Variants in CHMP6 observed in about 807,000 individuals in gnomAD.
CHMP6 encodes charged multivesicular body protein 6.
In CHMP6, 10 loss-of-function variants were observed where a neutral mutation model predicts 32.8. The ratio of observed to expected loss-of-function variants is 0.30; its 90% CI spans 0.19 to 0.52. CHMP6 has a LOEUF of 0.52. Ranked by LOEUF, CHMP6 falls within the 20% of genes least tolerant of loss-of-function variation. The probability of loss-of-function intolerance (pLI) is 0.97; values close to 1 mark genes in which losing one functional copy is unlikely to be tolerated. For synonymous variants in CHMP6, 123 were observed against 105.8 expected, an observed-to-expected ratio of 1.16 and a Z score of -1.00; for missense variants, 269 against 263.8, an observed-to-expected ratio of 1.02 and a Z score of -0.14.
In CHMP6 at chr17:80,994,649, G is replaced by A. The variant is rs1448146512; in HGVS notation, c.132G>A (p.Glu44=). ...QKRIAQQLER[E]RALARQLLRD... ...GGATCGCCCAGCAGCTGGAGCGCGAGCGCGCCCTGGCCCGGCAGCTGCTGC... is the reference window on the plus strand; with the variant it reads ...GGATCGCCCAGCAGCTGGAGCGCGAACGCGCCCTGGCCCGGCAGCTGCTGC... The change falls in exon 2 of 8, where the codon GAG becomes GAA. Residue 44 remains glutamate (E), a synonymous_variant. Transcript: ENST00000325167. 1.3e-6 allele frequency: 2 copies of A among 1,583,778 alleles called. No homozygotes were observed. The highest frequency in any genetic ancestry group is 1.7e-6 in the Non-Finnish European group (2 of 1,167,212).
At chr17:80,997,683 G>A (rs1025080701) in intron 6 of CHMP6, among the ~76,000 whole-genome samples, 1 of 151,990 alleles carries the variant, frequency 6.6e-6, no homozygotes, top group African/African-American at 2.4e-5. Flanking sequence ...CGCTGCGGGG[G>A]CCGCGTCCTG....
Position 80,991,992 on chromosome 17 carries a change from G to C in CHMP6, c.63+11G>C. 7.1e-7 allele frequency: 1 copy of C among 1,415,850 alleles called. No homozygotes were observed. 87.7% of individuals were successfully genotyped at this position (1,415,850 alleles called of 1,614,324 possible). On this transcript the variant is annotated intron_variant, in intron 1 of 7. Transcript: ENST00000325167. Reference sequence around the variant, plus strand: ...GACAAGGCCATCCTGGTGAGGGCCCGGGCCCGGGGTCAGGGCTGGGGCCGG... The same window carrying C: ...GACAAGGCCATCCTGGTGAGGGCCCCGGCCCGGGGTCAGGGCTGGGGCCGG...
At chr17:80,994,748 G>A (rs2069622364) in intron 2 of CHMP6, 58 bp downstream of exon 2, 6 of 556,624 alleles carry the variant, frequency 1.1e-5, no homozygotes. Context: ...GGCCCGGGCA[G>A]CGTGGGCACC....
chr17:80,995,839 CCA>C (rs1232898231), intron 4 of CHMP6, 81 bp downstream of exon 4: 2 of 1,294,266 alleles, frequency 1.5e-6, no homozygotes, highest in Non-Finnish European at 2.2e-6. Flanking sequence ...GGGGCTTGTC[CCA>C]CGGTGTTCGT....
chr17:80,997,129 C>G, intron 5 of CHMP6, 57 bp downstream of exon 5: 5 of 1,606,514 alleles, frequency 3.1e-6, no homozygotes, highest in Non-Finnish European at 4.3e-6. Context: ...AGGCCACCCT[C>G]GAGGGCCAAA....
chr17:80,995,842 C>T (rs932176622), intron 4 of CHMP6, 84 bp downstream of exon 4: 16 of 1,253,884 alleles, frequency 1.3e-5, no homozygotes, highest in Middle Eastern at 4.5e-4. Context: ...GCTTGTCCCA[C>T]GGTGTTCGTG....
At chr17:80,992,004 A>T in intron 1 of CHMP6, 23 bp downstream of exon 1, 1 of 1,389,208 alleles carries the variant, frequency 7.2e-7, no homozygotes, top group Non-Finnish European at 9.5e-7. Flanking sequence ...GCCCGGGGTC[A>T]GGGCTGGGGC....
chr17:80,998,027 A>G (rs1305286609), intron 6 of CHMP6, among the ~76,000 whole-genome samples: 1 of 152,214 alleles, frequency 6.6e-6, no homozygotes, highest in Non-Finnish European at 1.5e-5. Flanking sequence ...AGTGGTGGAC[A>G]CCAGCGTGAC....
At position 80,994,620 on chromosome 17, in the gene CHMP6, A is replaced by G. The variant is rs2069620590; in HGVS notation, c.103A>G (p.Lys35Glu). The G allele has an allele frequency of 6.3e-7, 1 of 1,586,404 alleles. No homozygotes were observed. The highest frequency in any genetic ancestry group is 1.3e-5 in the African/African-American group (1 of 74,548). ...GCGGGACAAGCTGAGGCAGTACCAG[A>G]AGAGGATCGCCCAGCAGCTGGAGCG... ...QQRDKLRQYQ[K>E]RIAQQLERER... Residue 35 changes from lysine (K) to glutamate (E), a missense_variant, in exon 2 of 8, where the codon AAG becomes GAG. Lys to Glu is a moderately conservative substitution (Grantham distance 56, BLOSUM62 1). Coordinates refer to ENST00000325167, the MANE Select transcript of CHMP6 (RefSeq NM_024591.5).
At chr17:80,998,289 G>T (rs1426364826) in intron 6 of CHMP6, 77 bp from the exon 7 acceptor site, 2 of 1,516,448 alleles carry the variant, frequency 1.3e-6, no homozygotes, top group Middle Eastern at 3.8e-4. Flanking sequence ...GACAGGATCC[G>T]TGTCCTCTCG....
rs201966289 is a variant in CHMP6 at position 80,995,126 on chromosome 17, G to A, written c.261+20G>A. The A allele has an allele frequency of 3.0e-5, 47 of 1,584,674 alleles. No homozygotes were observed. Among genetic ancestry groups the A allele is most frequent in the Admixed American group, 2.4e-4 (13 of 53,724 alleles). On this transcript the variant is annotated intron_variant, in intron 3 of 7. Transcript: ENST00000325167. ...GCCATGGTAGGCGGCCGGGTGCTTC[G>A]CCCTGGAGTGCAGGTGCAGCTGGAG...
chr17:80,999,460 C>A lies in CHMP6; in HGVS notation c.*307C>A, dbSNP rs144333406. ...AGGCCCAACGCCTCTGGTGCTGTTCCCCTGCAGTCCCAGCCCCGCGTGGCT... is the reference window on the plus strand; with the variant it reads ...AGGCCCAACGCCTCTGGTGCTGTTCACCTGCAGTCCCAGCCCCGCGTGGCT... On this transcript the variant is annotated 3_prime_UTR_variant, in exon 8 of 8. Transcript: ENST00000325167. The A allele has an allele frequency of 2.5e-6, 1 of 392,542 alleles. No individual in the cohort carries two copies. The allele number at this position is 392,542 out of a possible 1,614,324, so 24.3% of individuals were successfully genotyped here.
chr17:80,993,675 C>T (rs2069612830), intron 1 of CHMP6, among the ~76,000 whole-genome samples: 2 of 152,224 alleles, frequency 1.3e-5, no homozygotes, highest in Non-Finnish European at 2.9e-5. Context: ...CCTGATAGAG[C>T]AGGACTGGCT....
chr17:80,995,019 A>C lies in CHMP6; in HGVS notation c.174A>C (p.Glu58Asp). The change falls in exon 3 of 8, where the codon GAA (glutamate) becomes GAC (aspartate). Residue 58 changes from glutamate (E) to aspartate (D), a missense_variant and splice_region_variant. Transcript: ENST00000325167. Reference sequence around the variant, plus strand: ...GTCACTCTCGGGCTTCCCTCTGCAGACGGGCCAAGCTGCTGCTCAAGAAGA... The same window carrying C: ...GTCACTCTCGGGCTTCCCTCTGCAGCCGGGCCAAGCTGCTGCTCAAGAAGA... ...ARQLLRDGRK[E>D]RAKLLLKKKR... The C allele has an allele frequency of 1.3e-6, 2 of 1,591,862 alleles. No homozygotes were observed. The highest frequency in any genetic ancestry group is 8.5e-7 in the Non-Finnish European group (1 of 1,171,420).
In CHMP6 at chr17:80,998,366, G is replaced by A. The variant is rs2069656882; in HGVS notation, c.496G>A (p.Glu166Lys). 4 of 1,614,086 alleles carry A rather than the reference G, an allele frequency of 2.5e-6. No homozygotes were observed. In the African/African-American group the frequency reaches 4.0e-5, roughly 16 times the overall value. Reference protein sequence around the residue: ...ILEELSAITQEQIELPEVPSE... With the variant: ...ILEELSAITQKQIELPEVPSE... ...TAGCCTTACCCTTTGCTTCTTGCAG[G>A]AACAAATAGAGCTGCCAGAGGTTCC... The change falls in exon 7 of 8, where the codon GAA becomes AAA. Residue 166 changes from glutamate to lysine, a missense_variant and splice_region_variant. By Grantham distance (56) the Glu-to-Lys change is moderately conservative. Transcript: ENST00000325167.
intron 1 of CHMP6, among the ~76,000 whole-genome samples, chr17:80,993,639 G>A (rs1474292058): frequency 6.6e-6 from 1 of 152,256 alleles, no homozygotes; most frequent in Non-Finnish European, 1.5e-5. Context: ...ATTGTCTGAA[G>A]TGATGACGTT....
At chr17:80,994,485 A>ACG (rs2069619221) in intron 1 of CHMP6, 96 bp from the exon 2 acceptor site, 1 of 1,114,656 alleles carries the variant, frequency 9.0e-7, no homozygotes, top group South Asian at 1.5e-5. Flanking sequence ...AAGGACACTC[A>ACG]CGGAGGGCCG....
At position 80,995,584 on chromosome 17, in the gene CHMP6, A is replaced by AGCACCCGCCC. The variant is rs1296031242; in HGVS notation, c.262-88_262-87insGCACCCGCCC. The AGCACCCGCCC allele has an allele frequency of 4.6e-3, 5,175 of 1,128,808 alleles. 192 individuals carry two copies. In the African/African-American group the frequency reaches 0.072, roughly 16 times the overall value. The allele number at this position is 1,128,808 out of a possible 1,614,324, so 69.9% of individuals were successfully genotyped here. A position where few individuals can be genotyped will look rare whatever the true frequency, so the allele number is the denominator to read the frequency against. ...TCACGCCCAGCAGCACCCGCCCAGCAAGGGTGTCATCCTGAACCCTGCCCC... is the reference window on the plus strand; with the variant it reads ...TCACGCCCAGCAGCACCCGCCCAGCAGCACCCGCCCAGGGTGTCATCCTGAACCCTGCCCC... On this transcript the variant is annotated intron_variant, in intron 3 of 7. Coordinates refer to ENST00000325167, the MANE Select transcript of CHMP6 (RefSeq NM_024591.5).
At chr17:80,994,463 C>T (rs991619585) in intron 1 of CHMP6, 118 bp from the exon 2 acceptor site, 5 of 823,374 alleles carry the variant, frequency 6.1e-6, no homozygotes, top group Non-Finnish European at 9.2e-6. Context: ...TGGAAGGCAA[C>T]CCTGCCCCAT....
Sources: allele counts gnomAD v4.1 joint callset (sites outside exome capture counted in the v4.1 genomes callset), GRCh38; gene constraint gnomAD v4.1.1; transcripts MANE v1.5; gene names NCBI Gene and HGNC (gene_info 2026-07-23, HGNC 2026-07-21).